Variants in MCPH1 observed in about 807,000 individuals in gnomAD.
MCPH1 encodes the protein microcephalin.
In MCPH1, 104 loss-of-function variants were observed where a neutral mutation model predicts 84.5. The observed-to-expected ratio is 1.23, with a 90% confidence interval of 1.05 to 1.45. The LOEUF (loss-of-function observed/expected upper bound fraction) is 1.45. MCPH1 is among the 40% of genes most tolerant of loss of function. The pLI is 0.00. For missense variants in MCPH1, 1,498 were observed against 1,005.7 expected (o/e 1.49, Z -6.62); for synonymous variants, 514 against 366.8 (o/e 1.40, Z -4.58).
chr8:6,458,856 G>A (rs1292773394), intron 9 of MCPH1, among the ~76,000 whole-genome samples: 1 of 152,142 alleles, frequency 6.6e-6, no homozygotes, highest in African/African-American at 2.4e-5. Flanking sequence ...ATGTTGACCA[G>A]GCTGGTCTCG....
chr8:6,515,887 C>T (rs2515425), intron 12 of MCPH1, among the ~76,000 whole-genome samples: 9,173 of 152,188 alleles, frequency 0.06, 302 homozygotes, highest in African/African-American at 0.079. Flanking sequence ...AAAAGAGAAC[C>T]AAGAGAGTGC....
intron 12 of MCPH1, among the ~76,000 whole-genome samples, chr8:6,615,129 C>T (rs193132095): frequency 1.8e-3 from 269 of 152,286 alleles, no homozygotes; most frequent in African/African-American, 6.1e-3. Flanking sequence ...TATTGCCTGC[C>T]GATCCCCTGG....
intron 12 of MCPH1, among the ~76,000 whole-genome samples, chr8:6,531,922 G>A (rs979662177): frequency 1.2e-4 from 19 of 152,222 alleles, no homozygotes; most frequent in African/African-American, 4.6e-4. Flanking sequence ...TCAAGAGTTA[G>A]ATTTAAGGCC....
At chr8:6,578,473 A>C (rs1408082067) in intron 12 of MCPH1, among the ~76,000 whole-genome samples, 1 of 91,356 alleles carries the variant, frequency 1.1e-5, no homozygotes, top group Non-Finnish European at 2.3e-5. Context: ...AGTACATTTT[A>C]AATGTAAGTA....
intron 12 of MCPH1, among the ~76,000 whole-genome samples, chr8:6,563,841 C>T (rs1265933176): frequency 6.6e-6 from 1 of 152,144 alleles, no homozygotes; most frequent in South Asian, 2.1e-4. Flanking sequence ...ACATCAGTTT[C>T]TGAGCTCTGA....
At chr8:6,550,760 C>T (rs143226790) in intron 12 of MCPH1, among the ~76,000 whole-genome samples, 3 of 152,266 alleles carry the variant, frequency 2.0e-5, no homozygotes, top group Middle Eastern at 3.4e-3. Context: ...GTTCTGATAC[C>T]TCTCAGAGCT....
At chr8:6,481,266 G>C (rs910742986) in intron 11 of MCPH1, among the ~76,000 whole-genome samples, 1 of 152,220 alleles carries the variant, frequency 6.6e-6, no homozygotes, top group Non-Finnish European at 1.5e-5. Context: ...ATAATTCAGT[G>C]ATTGTTTGTA....
At chr8:6,567,697 G>C (rs1295759512) in intron 12 of MCPH1, among the ~76,000 whole-genome samples, 1 of 152,088 alleles carries the variant, frequency 6.6e-6, no homozygotes, top group Admixed American at 6.5e-5. Flanking sequence ...CTGGAGTTGT[G>C]GGTGTCCAGT....
intron 9 of MCPH1, among the ~76,000 whole-genome samples, chr8:6,473,579 C>T (rs143008032): frequency 0.017 from 2,642 of 152,254 alleles, 55 homozygotes; most frequent in Middle Eastern, 0.037. Flanking sequence ...GATCTGCCCA[C>T]CTCAGCCTCC....
intron 13 of MCPH1, among the ~76,000 whole-genome samples, chr8:6,633,981 A>G (rs775908098): frequency 4.6e-5 from 7 of 152,222 alleles, no homozygotes; most frequent in Non-Finnish European, 8.8e-5. Flanking sequence ...CTTACAGAAG[A>G]GTATGGTGTT....
intron 12 of MCPH1, chr8:6,501,059 G>T (rs531391491): frequency 6.6e-6 from 1 of 152,164 alleles, no homozygotes; most frequent in Non-Finnish European, 1.5e-5. Context: ...CCATGATACC[G>T]TTGTTGAATT....
At chr8:6,557,416 T>C (rs529289141) in intron 12 of MCPH1, among the ~76,000 whole-genome samples, 3 of 152,298 alleles carry the variant, frequency 2.0e-5, no homozygotes, top group African/African-American at 4.8e-5. Flanking sequence ...CCTGTTGCGA[T>C]TGCTGCCTTC....
rs187166211 is a variant in MCPH1, at chr8:6,578,570, A to G, written c.2215-42884A>G. Reference sequence around the variant, plus strand: ...ATGTAATTGTTTTTTCCTCTATTTAAGAGCAGAATATTTCATTGCTACCAA... The same window carrying G: ...ATGTAATTGTTTTTTCCTCTATTTAGGAGCAGAATATTTCATTGCTACCAA... On this transcript the variant is annotated intron_variant, in intron 12 of 13. Transcript: ENST00000344683. 2.6e-5 allele frequency among the ~76,000 whole-genome samples: 4 copies of G among 152,354 alleles called. No individual in the cohort carries two copies. The East Asian group carries it at 5.8e-4, about 22-fold the overall frequency.
intron 13 of MCPH1, among the ~76,000 whole-genome samples, chr8:6,640,891 C>G (rs955269009): frequency 6.6e-6 from 1 of 152,184 alleles, no homozygotes; most frequent in Admixed American, 6.5e-5. Flanking sequence ...AATTTATTGA[C>G]ACTGACCTAT....
At chr8:6,421,868 G>A (rs1011682262) in intron 3 of MCPH1, among the ~76,000 whole-genome samples, 5 of 151,822 alleles carry the variant, frequency 3.3e-5, no homozygotes, top group African/African-American at 1.2e-4. Flanking sequence ...GGGCTTCCAC[G>A]TCCCCAAGGC....
At chr8:6,498,362 C>A (rs1811525153) in intron 11 of MCPH1, among the ~76,000 whole-genome samples, 1 of 152,192 alleles carries the variant, frequency 6.6e-6, no homozygotes, top group African/African-American at 2.4e-5. Flanking sequence ...ACTACTAGAG[C>A]AAAATGTTTA....
chr8:6,487,591 A>T (rs1356112169), intron 11 of MCPH1, among the ~76,000 whole-genome samples: 1 of 152,234 alleles, frequency 6.6e-6, no homozygotes. Flanking sequence ...AACTCATGTT[A>T]GGAAGAATCT....
At chr8:6,530,489 A>G (rs977725541) in intron 12 of MCPH1, among the ~76,000 whole-genome samples, 5 of 144,626 alleles carry the variant, frequency 3.5e-5, no homozygotes, top group African/African-American at 7.8e-5. Context: ...AACCTGGGCA[A>G]TGCAGTGAGA....
At chr8:6,527,494 C>G (rs1211232836) in intron 12 of MCPH1, 6 of 1,567,786 alleles carry the variant, frequency 3.8e-6, no homozygotes, top group Non-Finnish European at 5.2e-6. Flanking sequence ...CATTTGAGAC[C>G]GACTTTCATA....
Sources: gnomAD v4.1 joint callset for allele counts (sites outside exome capture counted in the v4.1 genomes callset) on GRCh38, gnomAD v4.1.1 for gene constraint, MANE v1.5 for transcripts, NCBI Gene and HGNC (gene_info 2026-07-23, HGNC 2026-07-21) for gene names.